M1AP: variants seen among roughly 807,000 people sequenced by gnomAD.
The protein encoded by M1AP is meiosis 1 arrest protein.
M1AP carries 39 observed loss-of-function variants against 51.2 expected under a neutral mutation model. That is an observed-to-expected ratio of 0.76 (90% confidence interval 0.59 to 1.00). The LOEUF is 1.00. M1AP is among the 50% of genes least tolerant of loss of function. The pLI is 0.00. For synonymous variants in M1AP, 251 were observed against 249.2 expected (o/e 1.01, Z -0.07); for missense variants, 545 against 641.2 (o/e 0.85, Z 1.62).
intron 8 of M1AP, among the ~76,000 whole-genome samples, chr2:74,561,249 G>T: frequency 6.7e-6 from 1 of 149,698 alleles, no homozygotes; most frequent in African/African-American, 2.5e-5. Flanking sequence ...AGGAGGAGGA[G>T]GAGGAGGAGG....
Position 74,581,663 on chromosome 2 carries a change from G to C in M1AP, c.769+11C>G, listed in dbSNP as rs1310342920. ...TAATCATAGCCTAAATATCTTTTGGGGATTATGTACTTGGATTATCTCTGG... is the reference window on the plus strand; with the variant it reads ...TAATCATAGCCTAAATATCTTTTGGCGATTATGTACTTGGATTATCTCTGG... On this transcript the variant is annotated intron_variant, in intron 5 of 10. Coordinates refer to ENST00000421985, the MANE Select transcript of M1AP (RefSeq NM_001321739.2). The C allele has an allele frequency of 1.9e-6, 3 of 1,610,632 alleles. No individual in the cohort carries two copies. The highest frequency in any genetic ancestry group is 2.5e-6 in the Non-Finnish European group (3 of 1,177,330).
chr2:74,575,691 A>T lies in M1AP; in HGVS notation c.933-112T>A, dbSNP rs1405420014. ...ACAGTACTGTGAAAGCTTTTAAATT[A>T]GTGTCTGTGAACTATGCATCTTTGT... On this transcript the variant is annotated intron_variant, in intron 6 of 10. Transcript: ENST00000421985. 5.0e-6 allele frequency: 4 copies of T among 794,284 alleles called. No homozygotes were observed. In the Admixed American group the frequency reaches 7.2e-5, roughly 14 times the overall value. The allele number at this position is 794,284 out of a possible 1,614,324, so 49.2% of individuals were successfully genotyped here.
At position 74,562,383 on chromosome 2, in the gene M1AP, C is replaced by A. The variant is rs754994144; in HGVS notation, c.1115G>T (p.Gly372Val). The A allele has an allele frequency of 6.2e-6, 10 of 1,614,104 alleles. No homozygotes were observed. The highest frequency in any genetic ancestry group is 7.6e-6 in the Non-Finnish European group (9 of 1,180,044). The change falls in exon 8 of 11, where the codon GGC becomes GTC. Residue 372 changes from glycine to valine, a missense_variant. By Grantham distance (109) the Gly-to-Val change is moderately radical (BLOSUM62 -3). Transcript: ENST00000421985. ...AGGAATTCTCTGGCTGTGTCCTGGG[C>A]CCGGTGGTTCCCCCTTGGCTAACAG... is the stretch of plus-strand genomic sequence containing the variant. ...WLLLAKGEPP[G>V]PGHSQRIPAS...
At chr2:74,582,601 T>C (rs1679474234) in intron 4 of M1AP, among the ~76,000 whole-genome samples, 1 of 152,216 alleles carries the variant, frequency 6.6e-6, no homozygotes, top group Non-Finnish European at 1.5e-5. Flanking sequence ...TCTGGAAGGC[T>C]ATCATCAAAC....
chr2:74,625,694 T>C (rs1009783431), intron 2 of M1AP, among the ~76,000 whole-genome samples: 4 of 152,234 alleles, frequency 2.6e-5, no homozygotes, highest in East Asian at 1.9e-4. Flanking sequence ...CTGTGGGGTA[T>C]AGGGACACCT....
intron 7 of M1AP, among the ~76,000 whole-genome samples, chr2:74,569,035 GA>G (rs1293232996): frequency 2.6e-5 from 4 of 152,020 alleles, no homozygotes; most frequent in Non-Finnish European, 5.9e-5. Context: ...AAAACCAAGA[GA>G]AAAAAGAGAC....
At chr2:74,575,272 CA>C (rs1481652324) in intron 7 of M1AP, 165 bp downstream of exon 7, 4 of 1,424,998 alleles carry the variant, frequency 2.8e-6, no homozygotes, top group Non-Finnish European at 1.8e-6. Flanking sequence ...ATGAAACCAA[CA>C]AAAGGCAAGT....
intron 7 of M1AP, among the ~76,000 whole-genome samples, chr2:74,572,706 G>A (rs979163647): frequency 6.6e-6 from 1 of 152,070 alleles, no homozygotes; most frequent in African/African-American, 2.4e-5. Context: ...TGCAAAAGTT[G>A]GGATAACAAT....
At chr2:74,586,937 G>A (rs918018764) in intron 4 of M1AP, among the ~76,000 whole-genome samples, 1 of 151,808 alleles carries the variant, frequency 6.6e-6, no homozygotes, top group Non-Finnish European at 1.5e-5. Flanking sequence ...GGGAGGTGGA[G>A]GTTGCAGTGA....
rs1677667429 is a variant in M1AP, at chr2:74,558,575, C to T, written c.*141G>A. 1.1e-6 allele frequency: 1 copy of T among 947,146 alleles called. No homozygotes were observed. 58.7% of individuals were successfully genotyped at this position (947,146 alleles called of 1,614,324 possible). On this transcript the variant is annotated 3_prime_UTR_variant, in exon 11 of 11. Transcript: ENST00000421985. ...GGAGTGGGACAGCACTGAAACAGGACAGGAAGGCTGTTGTTTCCCAGTCAG... is the reference window on the plus strand; with the variant it reads ...GGAGTGGGACAGCACTGAAACAGGATAGGAAGGCTGTTGTTTCCCAGTCAG...
chr2:74,615,393 G>A lies in M1AP; in HGVS notation c.241-244C>T. On this transcript the variant is annotated intron_variant, in intron 2 of 10. Transcript: ENST00000421985. ...ACTTAGAGTTACCAGAAACATGAAA[G>A]GAAGTGTTTTAACTCATTCACTCAC... The A allele has an allele frequency of 1.1e-5, 5 of 472,702 alleles. No individual in the cohort carries two copies. In the South Asian group the frequency reaches 1.2e-4, roughly 12 times the overall value. 29.3% of individuals were successfully genotyped at this position (472,702 alleles called of 1,614,324 possible).
rs770624627 is a variant in M1AP, at chr2:74,596,305, G to A, written c.595+10750C>T. Among the ~76,000 whole-genome samples the A allele has an allele frequency of 1.2e-3, 176 of 152,200 alleles. 3 individuals carry two copies. Among genetic ancestry groups the A allele is most frequent in the Admixed American group, 5.9e-4 (9 of 15,280 alleles). Reference sequence around the variant, plus strand: ...GAACCATAAAAACAGTAAGATGGCGGGGCGCGGTGGCTCACGCCTGTTATC... The same window carrying A: ...GAACCATAAAAACAGTAAGATGGCGAGGCGCGGTGGCTCACGCCTGTTATC... On this transcript the variant is annotated intron_variant, in intron 4 of 10. Transcript: ENST00000421985.
At chr2:74,589,027 A>G (rs1679883145) in intron 4 of M1AP, among the ~76,000 whole-genome samples, 1 of 152,244 alleles carries the variant, frequency 6.6e-6, no homozygotes, top group Non-Finnish European at 1.5e-5. Flanking sequence ...TTCAGATGAT[A>G]GATACTATGA....
chr2:74,639,311 G>A (rs1261979775), intron 2 of M1AP, among the ~76,000 whole-genome samples: 2 of 152,292 alleles, frequency 1.3e-5, no homozygotes, highest in East Asian at 1.9e-4. Flanking sequence ...TCTTAAATAA[G>A]ACTTATATCC....
intron 3 of M1AP, among the ~76,000 whole-genome samples, chr2:74,609,561 T>C (rs997780756): frequency 2.0e-5 from 3 of 152,224 alleles, no homozygotes; most frequent in Non-Finnish European, 4.4e-5. Context: ...TTCATTTCCT[T>C]TGGGTATATA....
At chr2:74,563,482 C>T (rs969374869) in intron 7 of M1AP, among the ~76,000 whole-genome samples, 1 of 151,826 alleles carries the variant, frequency 6.6e-6, no homozygotes, top group African/African-American at 2.4e-5. Flanking sequence ...GCCTGTAATC[C>T]GAGCTACTTG....
intron 1 of M1AP, among the ~76,000 whole-genome samples, chr2:74,643,554 G>A (rs374267414): frequency 6.7e-6 from 1 of 150,330 alleles, no homozygotes; most frequent in East Asian, 1.9e-4. Context: ...GATGAGAAGA[G>A]ACAAAAGAAG....
At chr2:74,616,852 A>C (rs1681696762) in intron 2 of M1AP, among the ~76,000 whole-genome samples, 1 of 152,212 alleles carries the variant, frequency 6.6e-6, no homozygotes, top group Non-Finnish European at 1.5e-5. Context: ...CTCTTCTTTC[A>C]ATTAGCTCAG....
At chr2:74,603,948 T>A (rs549495451) in intron 4 of M1AP, among the ~76,000 whole-genome samples, 1 of 151,964 alleles carries the variant, frequency 6.6e-6, no homozygotes, top group Non-Finnish European at 1.5e-5. Context: ...TGCATAACCA[T>A]GAAAAAGGCC....
Sources: allele counts gnomAD v4.1 joint callset (sites outside exome capture counted in the v4.1 genomes callset), GRCh38; gene constraint gnomAD v4.1.1; transcripts MANE v1.5; gene names NCBI Gene and HGNC (gene_info 2026-07-23, HGNC 2026-07-21).